Variants in GRIP1 observed in about 807,000 individuals in gnomAD.
GRIP1 encodes the protein glutamate receptor-interacting protein 1.
A neutral mutation model predicts 129.9 loss-of-function variants in GRIP1; 45 were observed. That is an observed-to-expected ratio of 0.35 (90% CI 0.27 to 0.44). The LOEUF (loss-of-function observed/expected upper bound fraction) is 0.44. GRIP1 is among the 20% of genes least tolerant of loss of function. The pLI, the probability that GRIP1 is intolerant of heterozygous loss-of-function variation, is 1.00. For synonymous variants in GRIP1, 530 were observed against 520.8 expected (o/e 1.02, Z -0.24); for missense variants, 1,196 against 1,396.8 (o/e 0.86, Z 2.29).
intron 15 of GRIP1, among the ~76,000 whole-genome samples, chr12:66,415,878 A>T (rs902528851): frequency 1.3e-5 from 2 of 152,166 alleles, no homozygotes; most frequent in African/African-American, 4.8e-5. Context: ...ATGAGGACAC[A>T]TGGACACATT....
chr12:66,479,002 C>T (rs1348441490), intron 7 of GRIP1, among the ~76,000 whole-genome samples: 2 of 150,834 alleles, frequency 1.3e-5, no homozygotes, highest in African/African-American at 2.4e-5. Flanking sequence ...ACGTTGTGCA[C>T]ATGTACCCTA....
At chr12:66,671,979 G>A (rs889556004) in intron 1 of GRIP1, among the ~76,000 whole-genome samples, 1 of 152,160 alleles carries the variant, frequency 6.6e-6, no homozygotes, top group Non-Finnish European at 1.5e-5. Context: ...TCCACATAAG[G>A]AAATACTACA....
intron 5 of GRIP1, among the ~76,000 whole-genome samples, chr12:66,522,394 C>T (rs576943047): frequency 4.6e-4 from 70 of 152,330 alleles, no homozygotes; most frequent in African/African-American, 1.6e-3. Flanking sequence ...CGCTGTTCTG[C>T]GGCCACCGCT....
chr12:66,409,548 G>C (rs1225547069), intron 15 of GRIP1, among the ~76,000 whole-genome samples: 1 of 152,116 alleles, frequency 6.6e-6, no homozygotes, highest in Non-Finnish European at 1.5e-5. Context: ...CGAATACTTA[G>C]AAAGCCTTCC....
At chr12:66,918,610 C>T (rs978779730) in intron 1 of GRIP1, among the ~76,000 whole-genome samples, 1 of 152,112 alleles carries the variant, frequency 6.6e-6, no homozygotes, top group Non-Finnish European at 1.5e-5. Context: ...AAAATATTTT[C>T]AAACAACCTG....
intron 2 of GRIP1, among the ~76,000 whole-genome samples, chr12:66,582,926 CA>C (rs1565884481): frequency 6.7e-6 from 1 of 149,544 alleles, no homozygotes; most frequent in African/African-American, 2.5e-5. Flanking sequence ...CATATGGAAC[CA>C]AAAAAGAGCC....
intron 1 of GRIP1, among the ~76,000 whole-genome samples, chr12:66,776,954 C>T (rs2038000082): frequency 6.6e-6 from 1 of 152,180 alleles, no homozygotes; most frequent in Admixed American, 6.5e-5. Context: ...CATAAGATCA[C>T]ACACATGTGC....
intron 7 of GRIP1, among the ~76,000 whole-genome samples, chr12:66,478,707 A>G (rs71450899): frequency 6.6e-6 from 1 of 150,382 alleles, no homozygotes; most frequent in African/African-American, 2.4e-5. Context: ...CATAAAAAAA[A>G]GATGAGTTCA....
At chr12:66,956,898 A>G (rs1159866437) in intron 1 of GRIP1, among the ~76,000 whole-genome samples, 1 of 152,166 alleles carries the variant, frequency 6.6e-6, no homozygotes, top group East Asian at 1.9e-4. Context: ...GTATATATGT[A>G]TTAAACTAAA....
chr12:66,836,222 T>C (rs951782131), intron 1 of GRIP1, among the ~76,000 whole-genome samples: 2 of 152,162 alleles, frequency 1.3e-5, no homozygotes, highest in African/African-American at 2.4e-5. Flanking sequence ...GCCTTCCTTA[T>C]GGACAATGTT....
rs74616033 is a variant in GRIP1 at position 66,726,706 on chromosome 12, T to C, written c.-420+77347A>G. On this transcript the variant is annotated intron_variant, in intron 1 of 4. Transcript: ENST00000538373. ...GGCCCCAAAGTATATTGCAATCATA[T>C]ACGGAAACTACACTCTGTTGAGCAG... Among the ~76,000 whole-genome samples the C allele has an allele frequency of 6.3e-3, 957 of 152,322 alleles. 27 individuals carry two copies. Among genetic ancestry groups the C allele is most frequent in the East Asian group, 0.053 (272 of 5,180 alleles).
intron 2 of GRIP1, among the ~76,000 whole-genome samples, chr12:66,554,204 A>T (rs1019029098): frequency 6.6e-6 from 1 of 152,178 alleles, no homozygotes; most frequent in Non-Finnish European, 1.5e-5. Flanking sequence ...TTTGTCTTGC[A>T]ACTTGGATAC....
At chr12:66,789,638 A>G (rs1003292947) in intron 1 of GRIP1, among the ~76,000 whole-genome samples, 6 of 112,878 alleles carry the variant, frequency 5.3e-5, no homozygotes, top group African/African-American at 1.6e-4. Flanking sequence ...AATTTTTTCC[A>G]TTAACTATTT....
At chr12:66,822,618 T>C (rs953157493) in intron 1 of GRIP1, among the ~76,000 whole-genome samples, 3 of 152,228 alleles carry the variant, frequency 2.0e-5, no homozygotes, top group East Asian at 1.9e-4. Flanking sequence ...CCATTAACAA[T>C]GGACTGGATA....
chr12:66,463,108 A>G lies in GRIP1; in HGVS notation c.873-15T>C. 1 of 1,610,896 alleles carries G rather than the reference A, an allele frequency of 6.2e-7. No individual in the cohort carries two copies. Among genetic ancestry groups the G allele is most frequent in the Non-Finnish European group, 8.5e-7 (1 of 1,177,196 alleles). On this transcript the variant is annotated splice_polypyrimidine_tract_variant and intron_variant, in intron 8 of 24. Coordinates refer to ENST00000359742, the MANE Select transcript of GRIP1 (RefSeq NM_001366722.1). The stretch of plus-strand genomic sequence containing the variant: ...ATGCGCCACATCTACGGAAAGGAGA[A>G]ATACTCGGTAAGAGGCAGTGCCTTC...
At chr12:66,528,381 C>A (rs998457401) in intron 5 of GRIP1, among the ~76,000 whole-genome samples, 6 of 152,130 alleles carry the variant, frequency 3.9e-5, no homozygotes, top group Admixed American at 3.9e-4. Context: ...TCATTATCTG[C>A]CTGCCTCGGC....
At chr12:66,448,204 G>C (rs1192911663) in intron 11 of GRIP1, among the ~76,000 whole-genome samples, 1 of 151,902 alleles carries the variant, frequency 6.6e-6, no homozygotes, top group African/African-American at 2.4e-5. Context: ...AAAATTGAGC[G>C]AATCCTCTTC....
intron 1 of GRIP1, among the ~76,000 whole-genome samples, chr12:66,936,928 G>C (rs937145865): frequency 1.3e-5 from 2 of 152,196 alleles, no homozygotes; most frequent in African/African-American, 4.8e-5. Flanking sequence ...AAACTGTTCT[G>C]AGTGTCAATT....
intron 1 of GRIP1, among the ~76,000 whole-genome samples, chr12:66,616,978 G>A (rs2065064838): frequency 6.6e-6 from 1 of 151,988 alleles, no homozygotes. Flanking sequence ...GCGTGCAGAT[G>A]CATGCTCTGA....
Sources: allele counts gnomAD v4.1 joint callset (sites outside exome capture counted in the v4.1 genomes callset), GRCh38; gene constraint gnomAD v4.1.1; transcripts MANE v1.5; gene names NCBI Gene and HGNC (gene_info 2026-07-23, HGNC 2026-07-21).